Variants in VAPB observed in about 807,000 individuals in gnomAD.
VAPB encodes the protein VAMP associated protein B and C.
In VAPB, 7 loss-of-function variants were observed where a neutral mutation model predicts 25.6. The ratio of observed to expected loss-of-function variants is 0.27; its 90% CI spans 0.16 to 0.51. The LOEUF (loss-of-function observed/expected upper bound fraction) is 0.51, where lower values mean the gene tolerates loss of function less well. Among genes scored for constraint, VAPB ranks in the 20% least tolerant of loss-of-function variants. The pLI, the probability that VAPB is intolerant of heterozygous loss-of-function variation, is 0.97. For synonymous variants in VAPB, 112 were observed against 109.2 expected (o/e 1.03, Z -0.16); for missense variants, 266 against 301.3 (o/e 0.88, Z 0.87).
intron 4 of VAPB, chr20:58,439,949 A>G (rs1989126207): frequency 6.6e-6 from 1 of 152,238 alleles, no homozygotes; most frequent in African/African-American, 2.4e-5. Context: ...TGGGAAACAG[A>G]AGTACCCTGA....
chr20:58,391,740 C>G (rs563144353), intron 1 of VAPB, among the ~76,000 whole-genome samples: 4 of 152,282 alleles, frequency 2.6e-5, no homozygotes, highest in African/African-American at 9.6e-5. Context: ...ACTATGTTGG[C>G]CAGGCTGGTC....
At chr20:58,393,894 G>T (rs745340533) in intron 1 of VAPB, among the ~76,000 whole-genome samples, 1 of 152,076 alleles carries the variant, frequency 6.6e-6, no homozygotes, top group Non-Finnish European at 1.5e-5. Context: ...CACCATGCCC[G>T]GCTAATTTTG....
chr20:58,412,032 T>C (rs1458846097), intron 1 of VAPB, among the ~76,000 whole-genome samples: 1 of 152,260 alleles, frequency 6.6e-6, no homozygotes, highest in East Asian at 1.9e-4. Context: ...TGGTTGACAG[T>C]ATTTTATTCA....
At position 58,407,682 on chromosome 20, in the gene VAPB, G is replaced by A. The variant is rs978097311; in HGVS notation, c.59-10529G>A. On this transcript the variant is annotated intron_variant, in intron 1 of 5. Coordinates refer to ENST00000475243, the MANE Select transcript of VAPB (RefSeq NM_004738.5). ...TTTTTTGTTTTTTTTTTAACTCCCC[G>A]GAGGAATTTAATGTGAACTATTTCC... Among the ~76,000 whole-genome samples, 46 of 149,236 alleles carry A rather than the reference G, an allele frequency of 3.1e-4. 1 individual carries two copies. Among genetic ancestry groups the A allele is most frequent in the African/African-American group, 1.0e-3 (42 of 40,450 alleles).
intron 2 of VAPB, among the ~76,000 whole-genome samples, chr20:58,419,253 T>A (rs1200420106): frequency 1.3e-5 from 2 of 152,214 alleles, no homozygotes; most frequent in Non-Finnish European, 2.9e-5. Context: ...GGCTATTCAT[T>A]TGACACCTAA....
At chr20:58,407,139 A>G (rs908117988) in intron 1 of VAPB, among the ~76,000 whole-genome samples, 10 of 152,200 alleles carry the variant, frequency 6.6e-5, no homozygotes, top group Non-Finnish European at 1.2e-4. Flanking sequence ...CAGCTCTTAT[A>G]TACTCCTTTT....
At chr20:58,416,643 A>G (rs897175700) in intron 1 of VAPB, among the ~76,000 whole-genome samples, 4 of 152,148 alleles carry the variant, frequency 2.6e-5, no homozygotes, top group Non-Finnish European at 4.4e-5. Flanking sequence ...ATGTTTTCAA[A>G]ATAAGTCTCA....
chr20:58,422,240 A>G (rs1454467194), intron 2 of VAPB, among the ~76,000 whole-genome samples: 1 of 152,028 alleles, frequency 6.6e-6, no homozygotes, highest in African/African-American at 2.4e-5. Context: ...CATGGTAGAT[A>G]GGGGGTGCAG....
Position 58,444,386 on chromosome 20 carries a change from C to G in VAPB, c.*151C>G. On this transcript the variant is annotated 3_prime_UTR_variant, in exon 6 of 6. Transcript: ENST00000475243. ...TTACCCCTCCCTGCACACACATACA[C>G]AGATACACACACACAAATATAATGT... 1 of 983,696 alleles carries G rather than the reference C, an allele frequency of 1.0e-6. No individual in the cohort carries two copies. Among genetic ancestry groups the G allele is most frequent in the Middle Eastern group, 2.3e-4 (1 of 4,256 alleles). The allele number at this position is 983,696 out of a possible 1,614,324, so 60.9% of individuals were successfully genotyped here.
In VAPB at chr20:58,446,577, G is replaced by A. The variant is rs1989298172; in HGVS notation, c.*2342G>A. On this transcript the variant is annotated 3_prime_UTR_variant, in exon 6 of 6. Transcript: ENST00000475243. ...AACTACTCTGTTTTAGACCTTTGAA[G>A]GTGATTTAGAGTTTTGTGTACATCT... 2 of 454,104 alleles carry A rather than the reference G, an allele frequency of 4.4e-6. No homozygotes were observed. Among genetic ancestry groups the A allele is most frequent in the Non-Finnish European group, 4.4e-6 (1 of 226,782 alleles). The allele number at this position is 454,104 out of a possible 1,614,324, so 28.1% of individuals were successfully genotyped here.
At chr20:58,392,205 C>T (rs1030543794) in intron 1 of VAPB, among the ~76,000 whole-genome samples, 2 of 152,132 alleles carry the variant, frequency 1.3e-5, no homozygotes, top group South Asian at 2.1e-4. Context: ...TCTTGTAGAA[C>T]GTGTTTAGAA....
chr20:58,419,137 A>G (rs1300428771), intron 2 of VAPB, among the ~76,000 whole-genome samples: 1 of 152,216 alleles, frequency 6.6e-6, no homozygotes, highest in Non-Finnish European at 1.5e-5. Flanking sequence ...GTAAATATCA[A>G]GTGACTCAGT....
chr20:58,440,808 TA>T, intron 4 of VAPB, 98 bp from the exon 5 acceptor site: 1 of 1,085,730 alleles, frequency 9.2e-7, no homozygotes, highest in Non-Finnish European at 1.4e-6. Flanking sequence ...GATGAAATGC[TA>T]CCACGTTTGG....
At position 58,446,178 on chromosome 20, in the gene VAPB, C is replaced by A. The variant is rs1358882001; in HGVS notation, c.*1943C>A. 1 of 454,078 alleles carries A rather than the reference C, an allele frequency of 2.2e-6. No individual in the cohort carries two copies. The highest frequency in any genetic ancestry group is 2.3e-5 in the Admixed American group (1 of 42,582). The allele number at this position is 454,078 out of a possible 1,614,324, so 28.1% of individuals were successfully genotyped here. ...GAGTGTGCAGACAGGGAGGCCACCC[C>A]AATAGGAATTCGTCTCCAGGATTTT... On this transcript the variant is annotated 3_prime_UTR_variant, in exon 6 of 6. Coordinates refer to ENST00000475243, the MANE Select transcript of VAPB (RefSeq NM_004738.5).
chr20:58,424,525 T>A lies in VAPB; in HGVS notation c.211+6162T>A, dbSNP rs147402964. On this transcript the variant is annotated intron_variant, in intron 2 of 5. Coordinates refer to ENST00000475243, the MANE Select transcript of VAPB (RefSeq NM_004738.5). ...ACACAGCTTGCAGGTTTCATTAAGATGGTATATAATGGGGGTTCATGTCAC... is the reference window on the plus strand; with the variant it reads ...ACACAGCTTGCAGGTTTCATTAAGAAGGTATATAATGGGGGTTCATGTCAC... Among the ~76,000 whole-genome samples, 220 of 152,270 alleles carry A rather than the reference T, an allele frequency of 1.4e-3. 1 individual carries two copies. Among genetic ancestry groups the A allele is most frequent in the African/African-American group, 4.9e-3 (203 of 41,554 alleles).
At position 58,449,903 on chromosome 20, in the gene VAPB, A is replaced by C. The variant is rs1326214264; in HGVS notation, c.*5668A>C. On this transcript the variant is annotated 3_prime_UTR_variant, in exon 6 of 6. Coordinates refer to ENST00000475243, the MANE Select transcript of VAPB (RefSeq NM_004738.5). The stretch of plus-strand genomic sequence containing the variant: ...AGAGCTTCGTTTCACTGATACCCAA[A>C]GCCATGTCTGACTGAAATAAAACAG... 2.2e-6 allele frequency: 1 copy of C among 453,952 alleles called. No individual in the cohort carries two copies. Among genetic ancestry groups the C allele is most frequent in the African/African-American group, 2.0e-5 (1 of 49,970 alleles). 28.1% of individuals were successfully genotyped at this position (453,952 alleles called of 1,614,324 possible).
chr20:58,415,864 A>G lies in VAPB; in HGVS notation c.59-2347A>G, dbSNP rs557852839. Among the ~76,000 whole-genome samples the G allele has an allele frequency of 2.8e-4, 42 of 152,350 alleles. 1 individual carries two copies. In the South Asian group the frequency reaches 8.1e-3, roughly 29 times the overall value. On this transcript the variant is annotated intron_variant, in intron 1 of 5. Transcript: ENST00000475243. ...TCCATTAATACAGGGGAAAAGGAGA[A>G]CACTAACATGGTTTATTTTCTATAA...
Position 58,449,307 on chromosome 20 carries a change from G to T in VAPB, c.*5072G>T, listed in dbSNP as rs919078150. ...GTATCTACGGCACTTAACAATAGGG[G>T]CTTTTTATTTTCATTACAGAGATAT... On this transcript the variant is annotated 3_prime_UTR_variant, in exon 6 of 6. Coordinates refer to ENST00000475243, the MANE Select transcript of VAPB (RefSeq NM_004738.5). 4.5e-6 allele frequency: 2 copies of T among 449,300 alleles called. No homozygotes were observed. Among genetic ancestry groups the T allele is most frequent in the Non-Finnish European group, 8.9e-6 (2 of 225,672 alleles). The allele number at this position is 449,300 out of a possible 1,614,324, so 27.8% of individuals were successfully genotyped here.
chr20:58,408,959 G>A (rs1197933039), intron 1 of VAPB, among the ~76,000 whole-genome samples: 2 of 126,682 alleles, frequency 1.6e-5, no homozygotes, highest in Non-Finnish European at 3.1e-5. Flanking sequence ...TATGTCCTAT[G>A]CAGAAGATGA....
Sources: allele counts gnomAD v4.1 joint callset (sites outside exome capture counted in the v4.1 genomes callset), GRCh38; gene constraint gnomAD v4.1.1; transcripts MANE v1.5; gene names NCBI Gene and HGNC (gene_info 2026-07-23, HGNC 2026-07-21).